PIBF1: variants seen among roughly 807,000 people sequenced by gnomAD.
PIBF1 encodes progesterone-induced-blocking factor 1.
Under a neutral mutation model 112.5 loss-of-function variants are expected in PIBF1, and 90 were observed. The ratio of observed to expected loss-of-function variants is 0.80; its 90% CI spans 0.67 to 0.95. PIBF1 has a LOEUF of 0.95. Ranked by LOEUF, PIBF1 falls within the 40% of genes least tolerant of loss-of-function variation. The pLI is 0.00. For missense variants in PIBF1, 915 were observed against 852.3 expected, an observed-to-expected ratio of 1.07 and a Z score of -0.92; for synonymous variants, 301 against 288.6, an observed-to-expected ratio of 1.04 and a Z score of -0.44.
Position 72,871,643 on chromosome 13 carries a change from A to C in PIBF1, c.1322+17488A>C, listed in dbSNP as rs912285740. 1.1e-4 allele frequency among the ~76,000 whole-genome samples: 16 copies of C among 152,090 alleles called. No homozygotes were observed. In the South Asian group the frequency reaches 2.5e-3, roughly 24 times the overall value. The stretch of plus-strand genomic sequence containing the variant: ...TCTAAAAGATTGCAGTCATGATTAG[A>C]GCTTCCCCTTCCACATCATCTTTTC... On this transcript the variant is annotated intron_variant, in intron 10 of 17. Transcript: ENST00000326291.
chr13:72,807,850 TTGA>T (rs1394531690), intron 5 of PIBF1, among the ~76,000 whole-genome samples: 1 of 152,216 alleles, frequency 6.6e-6, no homozygotes, highest in East Asian at 1.9e-4. Flanking sequence ...CAAACGTAAC[TTGA>T]ATTTCACAAT....
chr13:72,878,759 C>A (rs1259285279), intron 10 of PIBF1, among the ~76,000 whole-genome samples: 1 of 152,084 alleles, frequency 6.6e-6, no homozygotes, highest in Non-Finnish European at 1.5e-5. Flanking sequence ...TCATGTATTT[C>A]TTCTTGCAGT....
intron 10 of PIBF1, among the ~76,000 whole-genome samples, chr13:72,888,431 C>T (rs1485461067): frequency 2.6e-5 from 4 of 151,942 alleles, no homozygotes; most frequent in African/African-American, 9.7e-5. Flanking sequence ...ATTGATGTAG[C>T]CATTTGAGAG....
chr13:72,986,909 T>C (rs1213886221), intron 16 of PIBF1, among the ~76,000 whole-genome samples: 2 of 152,060 alleles, frequency 1.3e-5, no homozygotes, highest in Non-Finnish European at 2.9e-5. Flanking sequence ...GCCAGGATGG[T>C]CTCGATCTCC....
At chr13:72,983,322 T>C (rs1349391257) in intron 16 of PIBF1, among the ~76,000 whole-genome samples, 1 of 152,186 alleles carries the variant, frequency 6.6e-6, no homozygotes, top group Non-Finnish European at 1.5e-5. Flanking sequence ...AATTTGTTTC[T>C]GAGACCTGGG....
chr13:72,832,720 C>T (rs1207468379), intron 8 of PIBF1, among the ~76,000 whole-genome samples: 5 of 152,124 alleles, frequency 3.3e-5, no homozygotes, highest in African/African-American at 1.2e-4. Context: ...TTCATTTCAA[C>T]CTTGGCGAAT....
intron 14 of PIBF1, among the ~76,000 whole-genome samples, chr13:72,965,018 C>T (rs1237880314): frequency 2.6e-5 from 4 of 151,982 alleles, no homozygotes; most frequent in East Asian, 1.9e-4. Flanking sequence ...GCCGAGATCG[C>T]GCCACTGCAC....
rs1491281184 is a variant in PIBF1, at chr13:72,832,071, C to CTTTTTTTTTTTTTTTT, written c.1098-3172_1098-3171insTTTTTTTTTTTTTTTT. Among the ~76,000 whole-genome samples the CTTTTTTTTTTTTTTTT allele has an allele frequency of 3.9e-4, 23 of 59,496 alleles. 8 individuals are homozygous for CTTTTTTTTTTTTTTTT. Among genetic ancestry groups the CTTTTTTTTTTTTTTTT allele is most frequent in the Non-Finnish European group, 5.3e-4 (16 of 30,420 alleles). 39.0% of individuals were successfully genotyped at this position (59,496 alleles called of 152,430 possible). ...TCAGAGATTAGAATTGCAATTCCGG[C>CTTTTTTTTTTTTTTTT]CTTTTTTTTTTTTTTTTTTTTTTTT... On this transcript the variant is annotated intron_variant, in intron 8 of 17. Transcript: ENST00000326291.
intron 10 of PIBF1, among the ~76,000 whole-genome samples, chr13:72,861,378 AT>A (rs2038692754): frequency 6.6e-6 from 1 of 152,110 alleles, no homozygotes; most frequent in South Asian, 2.1e-4. Flanking sequence ...GTTTGAAATT[AT>A]GTTTTCAATC....
At chr13:72,942,524 A>G (rs2042041312) in intron 14 of PIBF1, among the ~76,000 whole-genome samples, 2 of 152,316 alleles carry the variant, frequency 1.3e-5, no homozygotes, top group South Asian at 4.1e-4. Flanking sequence ...CCTATGAAGG[A>G]CTAGCCATAC....
At chr13:72,810,527 A>G (rs532567527) in intron 5 of PIBF1, among the ~76,000 whole-genome samples, 2 of 152,324 alleles carry the variant, frequency 1.3e-5, no homozygotes, top group South Asian at 4.1e-4. Flanking sequence ...TATGTAAGTA[A>G]TTCAGTTAAT....
At chr13:72,835,686 C>G (rs899040590) in intron 9 of PIBF1, among the ~76,000 whole-genome samples, 3 of 152,032 alleles carry the variant, frequency 2.0e-5, no homozygotes, top group Non-Finnish European at 4.4e-5. Context: ...TCAGTTCTTC[C>G]TGTATTATAG....
intron 17 of PIBF1, among the ~76,000 whole-genome samples, chr13:73,000,273 T>A (rs2043814385): frequency 6.6e-6 from 1 of 152,200 alleles, no homozygotes; most frequent in Non-Finnish European, 1.5e-5. Flanking sequence ...CACAGCCCTT[T>A]GTCTTGAAAC....
chr13:72,825,041 TA>T (rs2036738755), intron 6 of PIBF1, among the ~76,000 whole-genome samples: 1 of 152,070 alleles, frequency 6.6e-6, no homozygotes, highest in South Asian at 2.1e-4. Context: ...TAAAAAGTCA[TA>T]AAACACAAGG....
Position 72,931,222 on chromosome 13 carries a change from A to G in PIBF1, c.1788A>G (p.Lys596=), listed in dbSNP as rs777981482. Residue 596 remains lysine (K), a synonymous_variant, in exon 14 of 18, where the codon AAA becomes AAG. Transcript: ENST00000326291. ...QLEKQNSLIL[K]DLEHRKDQVT... ...AAAAACAAAACTCGCTGATTTTAAA[A>G]GATCTGGAACATCGAAAGGACCAAG... 2 of 1,613,332 alleles carry G rather than the reference A, an allele frequency of 1.2e-6. No homozygotes were observed. Among genetic ancestry groups the G allele is most frequent in the South Asian group, 1.1e-5 (1 of 91,016 alleles).
chr13:72,974,188 T>C (rs928852296), intron 16 of PIBF1: 1 of 153,344 alleles, frequency 6.5e-6, no homozygotes, highest in African/African-American at 2.4e-5. Flanking sequence ...TTTGTTTTGT[T>C]TTTTTCCTTT....
chr13:73,009,812 T>G (rs2044140382), intron 17 of PIBF1, among the ~76,000 whole-genome samples: 1 of 152,208 alleles, frequency 6.6e-6, no homozygotes, highest in African/African-American at 2.4e-5. Flanking sequence ...ATCTGTCTCA[T>G]TAACAGGAGG....
At position 72,965,321 on chromosome 13, in the gene PIBF1, G is replaced by A. The variant is rs1325378654; in HGVS notation, c.1881G>A (p.Arg627=). 3.1e-6 allele frequency: 5 copies of A among 1,610,664 alleles called. No individual in the cohort carries two copies. The highest frequency in any genetic ancestry group is 4.2e-6 in the Non-Finnish European group (5 of 1,177,274). Residue 627 remains arginine, a synonymous_variant, in exon 15 of 18, where the codon AGG becomes AGA. Coordinates refer to ENST00000326291, the MANE Select transcript of PIBF1 (RefSeq NM_006346.4). ...SLLNQTQQPY[R]YLIESVRQRD... ...TAAACCAGACTCAACAGCCTTACAG[G>A]TATCTCATTGAATCAGTGCGTCAGA...
intron 14 of PIBF1, among the ~76,000 whole-genome samples, chr13:72,941,034 G>A (rs1286523198): frequency 6.6e-6 from 1 of 152,158 alleles, no homozygotes; most frequent in Non-Finnish European, 1.5e-5. Context: ...TCTATCAACA[G>A]CTCCTTAACT....
Sources: allele counts gnomAD v4.1 joint callset (sites outside exome capture counted in the v4.1 genomes callset), GRCh38; gene constraint gnomAD v4.1.1; transcripts MANE v1.5; gene names NCBI Gene and HGNC (gene_info 2026-07-23, HGNC 2026-07-21).